SEH1L: variants seen among roughly 807,000 people sequenced by gnomAD.
SEH1L encodes SEH1 like nucleoporin.
A neutral mutation model predicts 49.5 loss-of-function variants in SEH1L; 18 were observed. That is an observed-to-expected ratio of 0.36 (90% CI 0.25 to 0.54). The LOEUF (loss-of-function observed/expected upper bound fraction) is 0.54, where lower values mean the gene tolerates loss of function less well. Among genes scored for constraint, SEH1L ranks in the 20% least tolerant of loss-of-function variants. SEH1L has a pLI of 0.87. For missense variants in SEH1L, 404 were observed against 528.8 expected (o/e 0.76, Z 2.31); for synonymous variants, 169 against 178.1 (o/e 0.95, Z 0.41).
Position 12,985,146 on chromosome 18 carries a change from A to G in SEH1L, c.1070+956A>G, listed in dbSNP as rs78526934. The G allele has an allele frequency of 1.6e-3, 2,184 of 1,381,044 alleles. 27 individuals are homozygous for G. In the African/African-American group the frequency reaches 0.027, roughly 17 times the overall value. 85.5% of individuals were successfully genotyped at this position (1,381,044 alleles called of 1,614,324 possible). On this transcript the variant is annotated intron_variant, in intron 8 of 8. Transcript: ENST00000399892. ...ATATTTTCTTTTGTAAATAGCTTCTATTTTTTGATCTGTATTCTTATTGTG... is the reference window on the plus strand; with the variant it reads ...ATATTTTCTTTTGTAAATAGCTTCTGTTTTTTGATCTGTATTCTTATTGTG...
intron 5 of SEH1L, 101 bp from the exon 6 acceptor site, chr18:12,978,651 A>G: frequency 1.1e-6 from 1 of 944,502 alleles, no homozygotes; most frequent in East Asian, 2.5e-5. Flanking sequence ...GGTGAGCACT[A>G]CATGATTGTG....
intron 8 of SEH1L, 91 bp downstream of exon 8, chr18:12,984,281 G>A (rs776016117): frequency 6.0e-6 from 8 of 1,323,378 alleles, no homozygotes; most frequent in African/African-American, 5.9e-5. Flanking sequence ...TGGATTATAA[G>A]ATGGAGTGGA....
In SEH1L at chr18:12,969,785, A is replaced by G. The variant is rs528460284; in HGVS notation, c.522-1368A>G. Among the ~76,000 whole-genome samples the G allele has an allele frequency of 7.9e-5, 12 of 151,646 alleles. No homozygotes were observed. The East Asian group carries it at 1.2e-3, about 15-fold the overall frequency. On this transcript the variant is annotated intron_variant, in intron 4 of 8. Transcript: ENST00000399892. Reference sequence around the variant, plus strand: ...TTCACGCCTGTAATCCCAGCTACTCAGGAGACTGAGACAGGAGAATCACTT... The same window carrying G: ...TTCACGCCTGTAATCCCAGCTACTCGGGAGACTGAGACAGGAGAATCACTT...
At chr18:12,973,704 C>T (rs1228736075) in intron 5 of SEH1L, 1 of 152,184 alleles carries the variant, frequency 6.6e-6, no homozygotes, top group Admixed American at 6.5e-5. Flanking sequence ...TAAATCTAGA[C>T]TGGGGGATTC....
chr18:12,957,424 G>A (rs905318056), intron 3 of SEH1L, among the ~76,000 whole-genome samples: 23 of 137,966 alleles, frequency 1.7e-4, no homozygotes, highest in Non-Finnish European at 2.8e-4. Context: ...GCGAGACTTC[G>A]TCTCAAAAAA....
Position 12,965,660 on chromosome 18 carries a change from T to A in SEH1L, c.521+2289T>A, listed in dbSNP as rs2031418125. On this transcript the variant is annotated intron_variant, in intron 4 of 8. Transcript: ENST00000399892. ...TAACGAGCTGTCGTCAGTCTGATGCTGGTTCTTTTGTAGGTAGCTTTTTCT... is the reference window on the plus strand; with the variant it reads ...TAACGAGCTGTCGTCAGTCTGATGCAGGTTCTTTTGTAGGTAGCTTTTTCT... Among the ~76,000 whole-genome samples the A allele has an allele frequency of 2.0e-5, 3 of 152,256 alleles. No individual in the cohort carries two copies. The South Asian group carries it at 6.2e-4, about 32-fold the overall frequency.
chr18:12,982,869 G>A, intron 7 of SEH1L, 194 bp downstream of exon 7: 1 of 478,184 alleles, frequency 2.1e-6, no homozygotes. Flanking sequence ...TTTAAGTTAT[G>A]TGGAACAGAG....
At position 12,951,899 on chromosome 18, in the gene SEH1L, C is replaced by T. The variant is rs573360501; in HGVS notation, c.156C>T (p.Ser52=). The stretch of plus-strand genomic sequence containing the variant: ...GTGGTGATTGGCATTGTACTGCTAG[C>T]TGGAAGGTTAGTATTTATTTTTACA... ...SESGDWHCTA[S]WKTHSGSVWR... Residue 52 remains serine, a synonymous_variant, in exon 2 of 9, where the codon AGC becomes AGT. Transcript: ENST00000399892. The T allele has an allele frequency of 5.7e-5, 88 of 1,538,532 alleles. 1 individual carries two copies. In the South Asian group the frequency reaches 1.0e-3, roughly 18 times the overall value.
chr18:12,949,441 C>CATTTTTTT, intron 1 of SEH1L, among the ~76,000 whole-genome samples: 1 of 85,446 alleles, frequency 1.2e-5, no homozygotes, highest in Non-Finnish European at 2.4e-5. Flanking sequence ...CTACGTTAAC[C>CATTTTTTT]GTTTTTTTTT....
At chr18:12,952,378 G>A (rs1041008951) in intron 2 of SEH1L, among the ~76,000 whole-genome samples, 4 of 151,980 alleles carry the variant, frequency 2.6e-5, no homozygotes, top group East Asian at 3.9e-4. Flanking sequence ...GACTGTAGGC[G>A]TGCACCACGA....
intron 3 of SEH1L, among the ~76,000 whole-genome samples, chr18:12,960,070 G>A (rs957466328): frequency 1.3e-5 from 2 of 152,152 alleles, no homozygotes; most frequent in African/African-American, 4.8e-5. Flanking sequence ...GTGTTTCTTT[G>A]GTCTCAGGTA....
chr18:12,948,395 G>A (rs1294610973), intron 1 of SEH1L, 163 bp downstream of exon 1: 13 of 530,540 alleles, frequency 2.5e-5, no homozygotes, highest in Non-Finnish European at 3.6e-5. Flanking sequence ...CCCCGCCCGC[G>A]TATTGTGGGG....
rs1050026824 is a variant in SEH1L at position 12,948,068 on chromosome 18, G to T, written c.-54G>T. 1.4e-6 allele frequency: 2 copies of T among 1,423,188 alleles called. No homozygotes were observed. Among genetic ancestry groups the T allele is most frequent in the East Asian group, 2.4e-5 (1 of 41,816 alleles). The allele number at this position is 1,423,188 out of a possible 1,614,324, so 88.2% of individuals were successfully genotyped here. On this transcript the variant is annotated 5_prime_UTR_variant, in exon 1 of 9. Coordinates refer to ENST00000399892, the MANE Select transcript of SEH1L (RefSeq NM_001013437.2). ...CTGGCTAGGCTACGGGCCACGCGCC[G>T]CCGCCGCTGCCGCCGCCACTGTCCT... is the stretch of plus-strand genomic sequence containing the variant.
chr18:12,985,892 G>A, intron 8 of SEH1L: 1 of 968,302 alleles, frequency 1.0e-6, no homozygotes, highest in Non-Finnish European at 1.2e-6. Flanking sequence ...GCCAGGTTAA[G>A]CATTTGGTAT....
chr18:12,969,900 G>GA (rs2031623228), intron 4 of SEH1L, among the ~76,000 whole-genome samples: 1 of 151,802 alleles, frequency 6.6e-6, no homozygotes, highest in African/African-American at 2.4e-5. Flanking sequence ...AAAAAAACAG[G>GA]AAAAAAACGC....
chr18:12,965,009 C>CTTTTTTTT (rs138934038), intron 4 of SEH1L, among the ~76,000 whole-genome samples: 9 of 82,604 alleles, frequency 1.1e-4, no homozygotes, highest in Non-Finnish European at 1.8e-4. Flanking sequence ...TTTCCTCATT[C>CTTTTTTTT]TTTTTTTTTT....
chr18:12,958,442 T>A (rs1257978062), intron 3 of SEH1L, among the ~76,000 whole-genome samples: 1 of 152,186 alleles, frequency 6.6e-6, no homozygotes, highest in African/African-American at 2.4e-5. Flanking sequence ...TTCACAGTGC[T>A]GTGTACCCAT....
At chr18:12,973,680 CT>C (rs2031794856) in intron 5 of SEH1L, 1 of 152,180 alleles carries the variant, frequency 6.6e-6, no homozygotes, top group Admixed American at 6.5e-5. Flanking sequence ...AGTCTAGTCT[CT>C]TAGCTAACAG....
Position 12,963,034 on chromosome 18 carries a change from A to G in SEH1L, c.310-126A>G, listed in dbSNP as rs773773623. On this transcript the variant is annotated intron_variant, in intron 3 of 8. Transcript: ENST00000399892. ...GTAGGAACTTGTGGCCCAGAGATGT[A>G]TCCAAGCTTATATACCTAGTGAATG... 123 of 627,894 alleles carry G rather than the reference A, an allele frequency of 2.0e-4. 1 individual carries two copies. The highest frequency in any genetic ancestry group is 2.9e-4 in the Non-Finnish European group (111 of 376,440). The allele number at this position is 627,894 out of a possible 1,614,324, so 38.9% of individuals were successfully genotyped here.
Sources: allele counts gnomAD v4.1 joint callset (sites outside exome capture counted in the v4.1 genomes callset), GRCh38; gene constraint gnomAD v4.1.1; transcripts MANE v1.5; gene names NCBI Gene and HGNC (gene_info 2026-07-23, HGNC 2026-07-21).